PCDH15: variants seen among roughly 807,000 people sequenced by gnomAD.
PCDH15 encodes the protein protocadherin-15.
PCDH15 carries 129 observed loss-of-function variants against 178.5 expected under a neutral mutation model. That is an observed-to-expected ratio of 0.72 (90% CI 0.63 to 0.84). The LOEUF is 0.84. Among genes scored for constraint, PCDH15 ranks in the 40% least tolerant of loss-of-function variants. The pLI is 0.00. For synonymous variants in PCDH15, 800 were observed against 732.0 expected (o/e 1.09, Z -1.50); for missense variants, 2,230 against 2,099.9 (o/e 1.06, Z -1.21).
chr10:53,910,696 T>C (rs540023206), intron 25 of PCDH15, among the ~76,000 whole-genome samples: 1 of 152,146 alleles, frequency 6.6e-6, no homozygotes, highest in South Asian at 2.1e-4. Context: ...CTTCAGAAGG[T>C]TGGTAATAAC....
At chr10:54,721,924 G>A (rs59612557) in intron 1 of PCDH15, among the ~76,000 whole-genome samples, 18,503 of 151,630 alleles carry the variant, frequency 0.12, 1,256 homozygotes, top group African/African-American at 0.17. Context: ...GTAAAAGAAA[G>A]CTACTGGCCA....
chr10:54,290,406 GGAAA>G (rs1295001127), intron 8 of PCDH15, among the ~76,000 whole-genome samples: 40 of 152,042 alleles, frequency 2.6e-4, no homozygotes, highest in African/African-American at 9.4e-4. Flanking sequence ...CAGTAAAGAT[GGAAA>G]GAAACAACCA....
intron 16 of PCDH15, among the ~76,000 whole-genome samples, chr10:54,087,273 A>T (rs2094529748): frequency 6.6e-6 from 1 of 152,194 alleles, no homozygotes; most frequent in Non-Finnish European, 1.5e-5. Context: ...GAACATTTTC[A>T]ACACCATATC....
rs537987668 is a variant in PCDH15, at chr10:55,616,730, C to T, written c.-156+10895G>A. ...ACTTGAGAAGTATTTGTGTACCTAA[C>T]GATTTCCAGTGTCATAAAACATAGG... is the stretch of plus-strand genomic sequence containing the variant. On this transcript the variant is annotated intron_variant, in intron 2 of 5. Coordinates refer to the PCDH15 transcript ENST00000613346. Among the ~76,000 whole-genome samples the T allele has an allele frequency of 9.9e-5, 15 of 152,202 alleles. No homozygotes were observed. In the South Asian group the frequency reaches 2.1e-3, roughly 21 times the overall value.
intron 1 of PCDH15, among the ~76,000 whole-genome samples, chr10:55,195,610 G>C (rs951512279): frequency 2.7e-5 from 4 of 147,876 alleles, no homozygotes; most frequent in Non-Finnish European, 4.4e-5. Context: ...AGCTGAGATT[G>C]CGCCACTGCA....
intron 2 of PCDH15, chr10:54,528,546 G>A (rs2083583459): frequency 5.1e-6 from 3 of 583,008 alleles, no homozygotes; most frequent in East Asian, 5.9e-5. Context: ...ATGATTTGTG[G>A]AAATAGAATA....
chr10:55,620,746 T>C (rs1356984072), intron 2 of PCDH15, among the ~76,000 whole-genome samples: 5 of 151,536 alleles, frequency 3.3e-5, no homozygotes, highest in Admixed American at 6.6e-5. Flanking sequence ...TAATATATAA[T>C]CTAGCAGTGG....
chr10:54,975,899 G>A (rs1839057760), intron 2 of PCDH15, among the ~76,000 whole-genome samples: 1 of 152,068 alleles, frequency 6.6e-6, no homozygotes, highest in African/African-American at 2.4e-5. Flanking sequence ...ACTAAAATTG[G>A]TTATACTGTC....
chr10:55,574,444 T>C (rs988838544), intron 2 of PCDH15, among the ~76,000 whole-genome samples: 1 of 151,992 alleles, frequency 6.6e-6, no homozygotes, highest in African/African-American at 2.4e-5. Flanking sequence ...CAATCAACTT[T>C]AGAACTATCA....
intron 5 of PCDH15, among the ~76,000 whole-genome samples, chr10:54,347,463 T>G (rs1185607873): frequency 6.6e-6 from 1 of 152,162 alleles, no homozygotes; most frequent in Non-Finnish European, 1.5e-5. Context: ...ATAAGCTCTG[T>G]GCCTCTACAG....
intron 2 of PCDH15, chr10:54,600,693 C>A (rs964146582): frequency 3.4e-5 from 19 of 558,806 alleles, no homozygotes; most frequent in Admixed American, 5.9e-5. Flanking sequence ...AGATTTGAGT[C>A]CACTGCAAAA....
At chr10:54,159,670 T>C (rs1190464217) in intron 13 of PCDH15, among the ~76,000 whole-genome samples, 1 of 152,160 alleles carries the variant, frequency 6.6e-6, no homozygotes, top group African/African-American at 2.4e-5. Flanking sequence ...TGAGATACCA[T>C]GTAATCATTA....
At chr10:54,660,929 C>T (rs1437423317) in intron 2 of PCDH15, among the ~76,000 whole-genome samples, 1 of 151,736 alleles carries the variant, frequency 6.6e-6, no homozygotes, top group Admixed American at 6.6e-5. Flanking sequence ...GATAAAAACC[C>T]TCAACAAACT....
intron 2 of PCDH15, among the ~76,000 whole-genome samples, chr10:54,974,014 T>G (rs542327409): frequency 6.6e-6 from 1 of 150,404 alleles, no homozygotes; most frequent in African/African-American, 2.4e-5. Flanking sequence ...GAGACTCTCA[T>G]ACTAGCCCTC....
intron 2 of PCDH15, among the ~76,000 whole-genome samples, chr10:55,538,646 C>CCTT (rs1392176187): frequency 1.2e-4 from 1 of 8,098 alleles, no homozygotes; most frequent in African/African-American, 6.0e-4. Flanking sequence ...TCCCTTCCTT[C>CCTT]CTTTCCTTCC....
At chr10:55,221,091 C>T (rs1214324406) in intron 1 of PCDH15, among the ~76,000 whole-genome samples, 1 of 152,036 alleles carries the variant, frequency 6.6e-6, no homozygotes, top group Non-Finnish European at 1.5e-5. Flanking sequence ...CCCTAATACT[C>T]ATGACAACAT....
At chr10:55,289,268 C>T (rs981527048) in intron 1 of PCDH15, among the ~76,000 whole-genome samples, 1 of 151,864 alleles carries the variant, frequency 6.6e-6, no homozygotes, top group Non-Finnish European at 1.5e-5. Context: ...TACATACTCT[C>T]ATACCATTTT....
At chr10:53,950,877 G>T (rs532967720) in intron 23 of PCDH15, among the ~76,000 whole-genome samples, 103 of 152,256 alleles carry the variant, frequency 6.8e-4, no homozygotes, top group African/African-American at 2.4e-3. Context: ...ATAATTGACC[G>T]AAAATCTCTT....
In PCDH15 at chr10:54,164,090, CAGA is replaced by C. The variant is rs1401346112; in HGVS notation, c.1591-10800_1591-10798del. 2.0e-5 allele frequency among the ~76,000 whole-genome samples: 3 copies of C among 152,122 alleles called. No homozygotes were observed. In the East Asian group the frequency reaches 5.8e-4, roughly 29 times the overall value. ...GTGACTGGTGTGCTGCATTCATATG[CAGA>C]AGCTTTCGCTAGTGAAAGTTTATTC... On this transcript the variant is annotated intron_variant, in intron 13 of 37. Transcript: ENST00000644397.
Sources: gnomAD v4.1 joint callset for allele counts (sites outside exome capture counted in the v4.1 genomes callset) on GRCh38, gnomAD v4.1.1 for gene constraint, MANE v1.5 for transcripts, NCBI Gene and HGNC (gene_info 2026-07-23, HGNC 2026-07-21) for gene names.